DCBLD1: variants seen among roughly 807,000 people sequenced by gnomAD.
DCBLD1 encodes the protein discoidin, CUB and LCCL domain-containing protein 1.
Under a neutral mutation model 71.5 loss-of-function variants are expected in DCBLD1, and 57 were observed. The ratio of observed to expected loss-of-function variants is 0.80; its 90% CI spans 0.64 to 0.99. The LOEUF is 0.99. Ranked by LOEUF, DCBLD1 falls within the 50% of genes least tolerant of loss-of-function variation. The probability of loss-of-function intolerance (pLI) is 0.00; values close to 1 mark genes in which losing one functional copy is unlikely to be tolerated. For synonymous variants in DCBLD1, 380 were observed against 363.8 expected, an observed-to-expected ratio of 1.04 and a Z score of -0.51; for missense variants, 891 against 923.5, an observed-to-expected ratio of 0.96 and a Z score of 0.46.
rs753724577 is a variant in DCBLD1, at chr6:117,540,795, T to C, written c.1229T>C (p.Ile410Thr). 2 of 1,614,226 alleles carry C rather than the reference T, an allele frequency of 1.2e-6. No homozygotes were observed. The highest frequency in any genetic ancestry group is 1.7e-6 in the Non-Finnish European group (2 of 1,180,036). ...AGGATAGCCTTGAAGGTGGAGCTCA[T>C]TGGTTGCCAGATTACACAAGGTAGG... ...HQRIALKVEL[I>T]GCQITQGNDS... Residue 410 changes from isoleucine (I) to threonine (T), a missense_variant, in exon 10 of 15, where the codon ATT (isoleucine) becomes ACT (threonine). By Grantham distance (89) the Ile-to-Thr change is moderately conservative. Coordinates refer to ENST00000338728, the MANE Select transcript of DCBLD1 (RefSeq NM_001366458.2).
At chr6:117,520,779 G>C (rs1778359105) in intron 3 of DCBLD1, among the ~76,000 whole-genome samples, 1 of 152,152 alleles carries the variant, frequency 6.6e-6, no homozygotes, top group Non-Finnish European at 1.5e-5. Context: ...GTCCTCTCTG[G>C]CAGAAAAGCT....
chr6:117,486,293 G>C (rs1384406452), intron 1 of DCBLD1, among the ~76,000 whole-genome samples: 1 of 152,152 alleles, frequency 6.6e-6, no homozygotes, highest in Non-Finnish European at 1.5e-5. Context: ...AGTTTGTTCT[G>C]GGAAATATAC....
chr6:117,567,720 T>G (rs1034960995), intron 14 of DCBLD1, among the ~76,000 whole-genome samples: 5 of 152,044 alleles, frequency 3.3e-5, no homozygotes, highest in Non-Finnish European at 7.4e-5. Flanking sequence ...TAGTCTCTTT[T>G]ACATGAACGA....
chr6:117,568,199 C>G (rs930312303), intron 14 of DCBLD1, among the ~76,000 whole-genome samples: 3 of 151,528 alleles, frequency 2.0e-5, no homozygotes, highest in African/African-American at 7.3e-5. Context: ...GATCCTGGCT[C>G]CAAAAAAGAA....
downstream of DCBLD1, among the ~76,000 whole-genome samples, chr6:117,551,970 A>T (rs573097665): frequency 6.6e-6 from 1 of 152,090 alleles, no homozygotes; most frequent in Non-Finnish European, 1.5e-5. Flanking sequence ...ACAAAAAAAA[A>T]ATTAAATTAG....
chr6:117,552,814 T>A (rs945311201), downstream of DCBLD1, among the ~76,000 whole-genome samples: 2 of 152,154 alleles, frequency 1.3e-5, no homozygotes, highest in African/African-American at 4.8e-5. Context: ...CAATTCTCTA[T>A]CAGCTCAAAA....
chr6:117,531,166 G>T (rs1203704013), intron 5 of DCBLD1, among the ~76,000 whole-genome samples: 1 of 152,136 alleles, frequency 6.6e-6, no homozygotes, highest in African/African-American at 2.4e-5. Context: ...AAGTCTAAGG[G>T]AACTTTTCCA....
chr6:117,537,521 G>A (rs982327446), intron 7 of DCBLD1, among the ~76,000 whole-genome samples: 22 of 144,660 alleles, frequency 1.5e-4, no homozygotes, highest in East Asian at 6.2e-4. Context: ...GTAACAGAGC[G>A]AGACTCCATC....
At chr6:117,516,260 C>T (rs1169854269) in intron 2 of DCBLD1, among the ~76,000 whole-genome samples, 1 of 150,788 alleles carries the variant, frequency 6.6e-6, no homozygotes, top group Non-Finnish European at 1.5e-5. Flanking sequence ...ACTCAGGAGG[C>T]TGAGACAGGA....
Position 117,519,840 on chromosome 6 carries a change from T to C in DCBLD1, c.350T>C (p.Val117Ala), listed in dbSNP as rs1778325265. 6.2e-7 allele frequency: 1 copy of C among 1,614,068 alleles called. No homozygotes were observed. The highest frequency in any genetic ancestry group is 8.5e-7 in the Non-Finnish European group (1 of 1,179,906). Residue 117 changes from valine (V) to alanine (A), a missense_variant, in exon 3 of 15, where the codon GTT (valine) becomes GCT (alanine). Coordinates refer to ENST00000338728, the MANE Select transcript of DCBLD1 (RefSeq NM_001366458.2). ...GGTCCATACTGTGGAAGTATGACTG[T>C]TCCCAAAGAACTCTTGTTGAACACA... Reference protein sequence around the residue: ...QYGPYCGSMTVPKELLLNTSE... With the variant: ...QYGPYCGSMTAPKELLLNTSE...
intron 1 of DCBLD1, among the ~76,000 whole-genome samples, chr6:117,488,950 C>T (rs144672290): frequency 2.0e-5 from 3 of 152,240 alleles, no homozygotes; most frequent in East Asian, 1.9e-4. Context: ...TTATTAATCT[C>T]GTTATTAGCT....
intron 1 of DCBLD1, among the ~76,000 whole-genome samples, chr6:117,486,001 T>TA (rs1034229243): frequency 5.9e-5 from 9 of 152,252 alleles, no homozygotes; most frequent in African/African-American, 2.2e-4. Context: ...GAGGTTATGT[T>TA]AAAAAATTCA....
intron 6 of DCBLD1, among the ~76,000 whole-genome samples, chr6:117,535,115 C>T (rs1041561685): frequency 2.0e-5 from 3 of 152,144 alleles, no homozygotes; most frequent in African/African-American, 7.2e-5. Context: ...AACTTATGTT[C>T]CCACACATGA....
downstream of DCBLD1, among the ~76,000 whole-genome samples, chr6:117,554,075 G>A (rs1779465114): frequency 6.6e-6 from 1 of 152,176 alleles, no homozygotes; most frequent in African/African-American, 2.4e-5. Context: ...GCTATTATAT[G>A]CAGCCTTCCT....
chr6:117,514,952 TA>T (rs796751898), intron 2 of DCBLD1, among the ~76,000 whole-genome samples: 31 of 145,174 alleles, frequency 2.1e-4, no homozygotes, highest in Admixed American at 3.4e-4. Context: ...TCATAAAATC[TA>T]AAAAAAAAAA....
chr6:117,521,677 C>A, intron 4 of DCBLD1, 101 bp downstream of exon 4: 1 of 1,031,686 alleles, frequency 9.7e-7, no homozygotes, highest in Non-Finnish European at 1.4e-6. Flanking sequence ...GCTCTTTTTA[C>A]CATTCATGTT....
intron 14 of DCBLD1, among the ~76,000 whole-genome samples, chr6:117,558,580 A>C (rs1307182841): frequency 1.3e-5 from 2 of 152,234 alleles, no homozygotes; most frequent in Non-Finnish European, 2.9e-5. Flanking sequence ...ATTACAGAGA[A>C]TATAAAGCAA....
In DCBLD1 at chr6:117,501,245, G is replaced by C. The variant is rs150353017; in HGVS notation, c.113-2522G>C. On this transcript the variant is annotated intron_variant, in intron 1 of 14. Coordinates refer to ENST00000338728, the MANE Select transcript of DCBLD1 (RefSeq NM_001366458.2). ...TAACAAGGACCTGGTGAAGAACTAG[G>C]GTGTTTGGCTCCTTTCAAGGGACAG... Among the ~76,000 whole-genome samples, 228 of 152,290 alleles carry C rather than the reference G, an allele frequency of 1.5e-3. 2 individuals are homozygous for C. In the Middle Eastern group the frequency reaches 0.017, roughly 11 times the overall value.
At position 117,504,027 on chromosome 6, in the gene DCBLD1, T is replaced by G; in HGVS notation, c.325+48T>G. On this transcript the variant is annotated intron_variant, in intron 2 of 14. Coordinates refer to ENST00000338728, the MANE Select transcript of DCBLD1 (RefSeq NM_001366458.2). ...CTCTGAGCATCAAAATTTTTGATAT[T>G]TGCAGAGAAGGGCAAGTGGTGTGTT... 3.1e-6 allele frequency: 5 copies of G among 1,601,028 alleles called. No individual in the cohort carries two copies. The South Asian group carries it at 5.5e-5, about 18-fold the overall frequency.
Sources: allele counts gnomAD v4.1 joint callset (sites outside exome capture counted in the v4.1 genomes callset), GRCh38; gene constraint gnomAD v4.1.1; transcripts MANE v1.5; gene names NCBI Gene and HGNC (gene_info 2026-07-23, HGNC 2026-07-21).